Variants in SYN3 observed in about 807,000 individuals in gnomAD.
SYN3 encodes synapsin-3.
Under a neutral mutation model 65.8 loss-of-function variants are expected in SYN3, and 35 were observed. The observed-to-expected ratio is 0.53, with a 90% confidence interval of 0.41 to 0.70. SYN3 has a LOEUF of 0.70. Among genes scored for constraint, SYN3 ranks in the 30% least tolerant of loss-of-function variants. The pLI is 0.00. For synonymous variants in SYN3, 270 were observed against 292.9 expected, an observed-to-expected ratio of 0.92 and a Z score of 0.80; for missense variants, 680 against 749.0, an observed-to-expected ratio of 0.91 and a Z score of 1.08.
intron 6 of SYN3, among the ~76,000 whole-genome samples, chr22:32,617,476 C>CTT (rs879649441): frequency 1.4e-5 from 2 of 139,630 alleles, no homozygotes; most frequent in African/African-American, 2.6e-5. Flanking sequence ...CTTTTTTTTT[C>CTT]TTTTTTTTTT....
chr22:32,842,721 G>A (rs2047947657), intron 6 of SYN3, among the ~76,000 whole-genome samples: 1 of 152,150 alleles, frequency 6.6e-6, no homozygotes, highest in African/African-American at 2.4e-5. Flanking sequence ...TGGTTTTGTG[G>A]TTTCTAAGTT....
intron 6 of SYN3, chr22:32,833,923 C>A (rs2047653383): frequency 8.1e-6 from 4 of 494,628 alleles, no homozygotes; most frequent in South Asian, 4.3e-5. Context: ...GTATTGTAAT[C>A]ATTGACAATA....
At chr22:32,939,327 G>A (rs567910494) in intron 3 of SYN3, among the ~76,000 whole-genome samples, 168 of 152,268 alleles carry the variant, frequency 1.1e-3, no homozygotes, top group Non-Finnish European at 1.9e-3. Flanking sequence ...AAATGATGAT[G>A]AGGTAAGGAT....
intron 9 of SYN3, among the ~76,000 whole-genome samples, chr22:32,534,484 G>A (rs771010973): frequency 1.3e-5 from 2 of 152,152 alleles, no homozygotes; most frequent in African/African-American, 2.4e-5. Context: ...CGCCCAGGGG[G>A]CCTGGCCCTC....
At chr22:32,693,701 C>T (rs2147168106) in intron 6 of SYN3, among the ~76,000 whole-genome samples, 1 of 140,432 alleles carries the variant, frequency 7.1e-6, no homozygotes, top group South Asian at 2.3e-4. Flanking sequence ...AAATGATTCT[C>T]CTGCCTCAGC....
At chr22:33,044,960 C>T (rs192420335) in intron 1 of SYN3, among the ~76,000 whole-genome samples, 2 of 151,846 alleles carry the variant, frequency 1.3e-5, no homozygotes, top group African/African-American at 2.4e-5. Context: ...CTCCTGCCTC[C>T]GCCTCCCAAG....
chr22:32,800,221 C>T (rs1344249726), intron 6 of SYN3, among the ~76,000 whole-genome samples: 2 of 152,122 alleles, frequency 1.3e-5, no homozygotes, highest in African/African-American at 4.8e-5. Flanking sequence ...TCTATTTGTT[C>T]CAAACTTGTG....
At chr22:32,994,078 G>A (rs2052805519) in intron 2 of SYN3, among the ~76,000 whole-genome samples, 2 of 152,182 alleles carry the variant, frequency 1.3e-5, no homozygotes, top group Non-Finnish European at 2.9e-5. Flanking sequence ...CCGGGCCGCT[G>A]GATTGGACAG....
chr22:32,891,451 G>C (rs374297415), intron 4 of SYN3, among the ~76,000 whole-genome samples: 1 of 152,108 alleles, frequency 6.6e-6, no homozygotes, highest in Non-Finnish European at 1.5e-5. Flanking sequence ...TCCCACTCCA[G>C]CCACTGAGTG....
chr22:32,570,703 C>A (rs993933966), intron 7 of SYN3, among the ~76,000 whole-genome samples: 7 of 151,860 alleles, frequency 4.6e-5, no homozygotes, highest in South Asian at 2.1e-4. Context: ...TCTGGTCAAC[C>A]CTCTCATTTT....
At chr22:32,555,339 C>A (rs1227405335) in intron 7 of SYN3, among the ~76,000 whole-genome samples, 1 of 152,194 alleles carries the variant, frequency 6.6e-6, no homozygotes, top group African/African-American at 2.4e-5. Flanking sequence ...AGATCCTTCC[C>A]AGAAAGTGAT....
chr22:32,781,090 T>C (rs961703594), intron 6 of SYN3, among the ~76,000 whole-genome samples: 6 of 131,706 alleles, frequency 4.6e-5, no homozygotes, highest in African/African-American at 1.7e-4. Context: ...CCATCCTCCC[T>C]TCCTCCCTTC....
intron 6 of SYN3, among the ~76,000 whole-genome samples, chr22:32,840,678 C>T (rs2047873099): frequency 6.6e-6 from 1 of 152,170 alleles, no homozygotes; most frequent in African/African-American, 2.4e-5. Context: ...CAGACTTCTT[C>T]CTCCTCTGGA....
At chr22:32,698,737 T>C (rs371041448) in intron 6 of SYN3, among the ~76,000 whole-genome samples, 1 of 152,216 alleles carries the variant, frequency 6.6e-6, no homozygotes, top group South Asian at 2.1e-4. Flanking sequence ...ACATTGTTAT[T>C]GAAAGAATTT....
rs535997394 is a variant in SYN3, at chr22:33,033,015, A to C, written c.-163+25277T>G. The stretch of plus-strand genomic sequence containing the variant: ...GGTCACCCATGTGTGCTCAGAATAA[A>C]CTTTTTTTTTTTTTGAGATGGAGTT... On this transcript the variant is annotated intron_variant, in intron 1 of 13. Transcript: ENST00000358763. Among the ~76,000 whole-genome samples, 8 of 150,692 alleles carry C rather than the reference A, an allele frequency of 5.3e-5. No individual in the cohort carries two copies. The South Asian group carries it at 1.7e-3, about 32-fold the overall frequency.
chr22:32,577,610 G>C (rs530072071), intron 7 of SYN3, among the ~76,000 whole-genome samples: 1 of 152,200 alleles, frequency 6.6e-6, no homozygotes. Flanking sequence ...TTCTGCTTTA[G>C]AGTTTATTCA....
At chr22:32,931,335 T>G in intron 4 of SYN3, 55 bp downstream of exon 4, 1 of 1,212,210 alleles carries the variant, frequency 8.2e-7, no homozygotes, top group Non-Finnish European at 1.2e-6. Flanking sequence ...GTGGGCTACA[T>G]GAGGTTCCAC....
chr22:32,946,664 C>T (rs1295423278), intron 3 of SYN3, among the ~76,000 whole-genome samples: 1 of 152,136 alleles, frequency 6.6e-6, no homozygotes, highest in Non-Finnish European at 1.5e-5. Flanking sequence ...ACGTTTTGCA[C>T]ATGTACCCTA....
intron 3 of SYN3, among the ~76,000 whole-genome samples, chr22:32,949,687 G>C (rs2146815999): frequency 6.6e-6 from 1 of 152,236 alleles, no homozygotes; most frequent in Non-Finnish European, 1.5e-5. Flanking sequence ...TGAAAGCACG[G>C]GGTATTCATG....
Sources: gnomAD v4.1 joint callset for allele counts (sites outside exome capture counted in the v4.1 genomes callset) on GRCh38, gnomAD v4.1.1 for gene constraint, MANE v1.5 for transcripts, NCBI Gene and HGNC (gene_info 2026-07-23, HGNC 2026-07-21) for gene names.